S100Z: variants seen among roughly 807,000 people sequenced by gnomAD.
The protein encoded by S100Z is S100 calcium binding protein Z, also known as protein S100-Z.
A neutral mutation model predicts 8.5 loss-of-function variants in S100Z; 11 were observed. The observed-to-expected ratio is 1.30, with a 90% confidence interval of 0.82 to 2.15. The LOEUF (loss-of-function observed/expected upper bound fraction) is 2.15, where lower values mean the gene tolerates loss of function less well. S100Z is among the 30% of genes most tolerant of loss of function. The pLI, the probability that S100Z is intolerant of heterozygous loss-of-function variation, is 0.00. For synonymous variants in S100Z, 34 were observed against 43.8 expected (o/e 0.78, Z 0.89); for missense variants, 126 against 117.9 (o/e 1.07, Z -0.32).
the S100Z span, among the ~76,000 whole-genome samples, chr5:76,936,656 C>CACACACAA: frequency 8.9e-6 from 1 of 111,918 alleles, no homozygotes; most frequent in Non-Finnish European, 2.3e-5. Context: ...CACACACACA[C>CACACACAA]AACCATGAAG....
chr5:76,863,795 C>T (rs1454252010), intron 1 of S100Z, among the ~76,000 whole-genome samples: 3 of 152,184 alleles, frequency 2.0e-5, no homozygotes, highest in Non-Finnish European at 2.9e-5. Flanking sequence ...ACCTTGGCCT[C>T]CCAAAGTACT....
chr5:76,858,413 C>G (rs968786088), intron 1 of S100Z, among the ~76,000 whole-genome samples: 2 of 151,996 alleles, frequency 1.3e-5, no homozygotes, highest in Non-Finnish European at 2.9e-5. Flanking sequence ...GTCCCAGATA[C>G]TAGAGAGGCT....
chr5:76,940,319 G>A, the S100Z span, among the ~76,000 whole-genome samples: 7 of 152,286 alleles, frequency 4.6e-5, no homozygotes, highest in Middle Eastern at 3.4e-3. Flanking sequence ...TTGCAGCCTG[G>A]TGGAGATGGG....
At chr5:76,852,055 C>CT (rs1261585018) in intron 1 of S100Z, among the ~76,000 whole-genome samples, 3 of 140,428 alleles carry the variant, frequency 2.1e-5, no homozygotes, top group African/African-American at 3.1e-5. Flanking sequence ...CTCACTTTTT[C>CT]TTTTAAAAAA....
At chr5:76,850,329 G>A (rs1750686362) in intron 1 of S100Z, among the ~76,000 whole-genome samples, 174 bp downstream of exon 1, 1 of 122,736 alleles carries the variant, frequency 8.1e-6, no homozygotes, top group South Asian at 2.8e-4. Context: ...GGGTCGGGGG[G>A]GTGGGGGAGA....
At chr5:76,949,758 G>A in the S100Z span, among the ~76,000 whole-genome samples, 2 of 152,202 alleles carry the variant, frequency 1.3e-5, no homozygotes, top group Non-Finnish European at 2.9e-5. Context: ...CTAAAATAGT[G>A]AGACTCGTAG....
intron 1 of S100Z, among the ~76,000 whole-genome samples, chr5:76,868,623 C>CTT (rs35398110): frequency 0.045 from 5,564 of 122,740 alleles, 448 homozygotes; most frequent in African/African-American, 0.15. Flanking sequence ...AATTCAAACT[C>CTT]TTTTTTTTTT....
chr5:76,851,926 T>C (rs1212054395), intron 1 of S100Z, among the ~76,000 whole-genome samples: 2 of 152,224 alleles, frequency 1.3e-5, no homozygotes, highest in East Asian at 1.9e-4. Context: ...CAGCATTCGC[T>C]GAATTTCCTG....
At chr5:76,899,457 G>A (rs144397603) in intron 4 of S100Z, among the ~76,000 whole-genome samples, 1 of 150,550 alleles carries the variant, frequency 6.6e-6, no homozygotes, top group East Asian at 1.9e-4. Flanking sequence ...ATCTAGTGAA[G>A]TGATTTTCTC....
At chr5:76,942,415 T>A in the S100Z span, among the ~76,000 whole-genome samples, 2 of 137,988 alleles carry the variant, frequency 1.4e-5, no homozygotes, top group African/African-American at 5.8e-5. Context: ...CCTAGCCCAG[T>A]ATAGCTATTA....
chr5:76,925,618 A>G (rs749628611), downstream of S100Z, among the ~76,000 whole-genome samples: 2 of 152,000 alleles, frequency 1.3e-5, no homozygotes, highest in Non-Finnish European at 2.9e-5. Flanking sequence ...TAGATAATCT[A>G]TGCTGCTTGC....
At chr5:76,870,344 G>A (rs1742964506) in intron 2 of S100Z, 60 bp downstream of exon 2, 1 of 152,124 alleles carries the variant, frequency 6.6e-6, no homozygotes, top group Non-Finnish European at 1.5e-5. Flanking sequence ...TGGGGTTAGG[G>A]ATGATGCCTC....
chr5:76,949,395 A>G, the S100Z span, among the ~76,000 whole-genome samples: 1 of 152,094 alleles, frequency 6.6e-6, no homozygotes, highest in Admixed American at 6.5e-5. Context: ...TCTCAAAAAA[A>G]AAATAATGAA....
intron 4 of S100Z, among the ~76,000 whole-genome samples, chr5:76,885,062 G>C (rs1442675499): frequency 6.6e-6 from 1 of 152,314 alleles, no homozygotes; most frequent in East Asian, 1.9e-4. Flanking sequence ...GAAATCATAA[G>C]TGCCGTTTTC....
chr5:76,877,370 C>T (rs1743230837), intron 3 of S100Z, among the ~76,000 whole-genome samples: 1 of 152,104 alleles, frequency 6.6e-6, no homozygotes, highest in Admixed American at 6.5e-5. Flanking sequence ...TCCTAGTGTC[C>T]TGGCTCTCAA....
At chr5:76,931,313 A>G in the S100Z span, among the ~76,000 whole-genome samples, 1 of 151,884 alleles carries the variant, frequency 6.6e-6, no homozygotes, top group Non-Finnish European at 1.5e-5. Flanking sequence ...GGGTTTCACT[A>G]TGTTGCCCAG....
chr5:76,912,346 T>C (rs889760630), intron 4 of S100Z, among the ~76,000 whole-genome samples: 14 of 152,252 alleles, frequency 9.2e-5, no homozygotes, highest in Non-Finnish European at 1.3e-4. Flanking sequence ...TCCAGACTTA[T>C]GCCACCCGAG....
intron 4 of S100Z, among the ~76,000 whole-genome samples, chr5:76,910,893 T>A (rs2150679793): frequency 6.6e-6 from 1 of 152,318 alleles, no homozygotes; most frequent in East Asian, 1.9e-4. Context: ...TTCTCCCACC[T>A]CCTCAGTTGT....
intron 1 of S100Z, among the ~76,000 whole-genome samples, chr5:76,866,095 T>C (rs1463922259): frequency 6.6e-6 from 1 of 151,218 alleles, no homozygotes; most frequent in Non-Finnish European, 1.5e-5. Context: ...GTTTGTTTGC[T>C]TGTTTTTGAG....
Sources: gnomAD v4.1 joint callset for allele counts (sites outside exome capture counted in the v4.1 genomes callset) on GRCh38, gnomAD v4.1.1 for gene constraint, MANE v1.5 for transcripts, NCBI Gene and HGNC (gene_info 2026-07-23, HGNC 2026-07-21) for gene names.